Variants in CTNNA3 observed in about 807,000 individuals in gnomAD.
CTNNA3 encodes catenin alpha-3.
Under a neutral mutation model 95.7 loss-of-function variants are expected in CTNNA3, and 76 were observed. The ratio of observed to expected loss-of-function variants is 0.79; its 90% CI spans 0.66 to 0.96. The LOEUF is 0.96. CTNNA3 is among the 40% of genes least tolerant of loss of function. CTNNA3 has a pLI of 0.00. For missense variants in CTNNA3, 1,191 were observed against 1,089.8 expected, an observed-to-expected ratio of 1.09 and a Z score of -1.31; for synonymous variants, 431 against 374.4, an observed-to-expected ratio of 1.15 and a Z score of -1.74.
chr10:67,709,431 G>T (rs1321240778), intron 1 of CTNNA3, among the ~76,000 whole-genome samples: 1 of 152,130 alleles, frequency 6.6e-6, no homozygotes, highest in Non-Finnish European at 1.5e-5. Flanking sequence ...CATTATAGAG[G>T]ACAGTTCCAC....
chr10:67,293,318 C>A (rs906518661), intron 5 of CTNNA3, among the ~76,000 whole-genome samples: 1 of 151,966 alleles, frequency 6.6e-6, no homozygotes, highest in African/African-American at 2.4e-5. Context: ...AAATTGTGTC[C>A]ATCCATGAAT....
chr10:66,052,445 C>CA (rs71474009), intron 15 of CTNNA3, among the ~76,000 whole-genome samples: 80,561 of 151,836 alleles, frequency 0.53, 21,741 homozygotes, highest in South Asian at 0.59. Flanking sequence ...GTAAAGCATT[C>CA]GAGGTCAAAG....
intron 7 of CTNNA3, among the ~76,000 whole-genome samples, chr10:67,087,682 C>G (rs1357506698): frequency 6.6e-6 from 1 of 151,838 alleles, no homozygotes; most frequent in Non-Finnish European, 1.5e-5. Flanking sequence ...CATTTTAGCC[C>G]TCTACCTCTA....
intron 6 of CTNNA3, among the ~76,000 whole-genome samples, chr10:67,201,326 T>C (rs907685042): frequency 1.3e-5 from 2 of 152,224 alleles, no homozygotes; most frequent in Non-Finnish European, 2.9e-5. Context: ...AGCAGATCCA[T>C]GCATCTGTAC....
Position 66,764,052 on chromosome 10 carries a change from T to A in CTNNA3, c.1281+2212A>T, listed in dbSNP as rs144119561. Among the ~76,000 whole-genome samples, 1,070 of 152,268 alleles carry A rather than the reference T, an allele frequency of 7.0e-3. 7 individuals are homozygous for A. Among genetic ancestry groups the A allele is most frequent in the African/African-American group, 0.024 (1,016 of 41,556 alleles). Reference sequence around the variant, plus strand: ...GGATGGTTTGTTATATACTAAAAGCTCATCAGAAATGAAAGTGACTTAGAC... The same window carrying A: ...GGATGGTTTGTTATATACTAAAAGCACATCAGAAATGAAAGTGACTTAGAC... On this transcript the variant is annotated intron_variant, in intron 9 of 17. Coordinates refer to ENST00000433211, the MANE Select transcript of CTNNA3 (RefSeq NM_013266.4).
At chr10:66,189,485 G>C (rs2086535195) in intron 13 of CTNNA3, among the ~76,000 whole-genome samples, 1 of 151,428 alleles carries the variant, frequency 6.6e-6, no homozygotes, top group African/African-American at 2.4e-5. Context: ...TGGCTCCACT[G>C]TTGAAAATGA....
chr10:67,200,918 T>C (rs1863614144), intron 6 of CTNNA3, among the ~76,000 whole-genome samples: 1 of 152,196 alleles, frequency 6.6e-6, no homozygotes, highest in African/African-American at 2.4e-5. Flanking sequence ...CTATCTTCAG[T>C]TTGATGTGTC....
intron 12 of CTNNA3, among the ~76,000 whole-genome samples, chr10:66,366,260 T>C (rs1564901706): frequency 6.6e-6 from 1 of 152,138 alleles, no homozygotes; most frequent in Non-Finnish European, 1.5e-5. Flanking sequence ...TAATGAGATA[T>C]AATATGCATG....
Position 66,061,144 on chromosome 10 carries a change from A to G in CTNNA3, c.2159+8164T>C, listed in dbSNP as rs187909459. On this transcript the variant is annotated intron_variant, in intron 15 of 17. Coordinates refer to ENST00000433211, the MANE Select transcript of CTNNA3 (RefSeq NM_013266.4). ...AGGAATGGCCCTTCACCAAGGAGAA[A>G]TCATGTTTTCAAATCATAAAGCCTG... Among the ~76,000 whole-genome samples the G allele has an allele frequency of 3.9e-5, 6 of 152,100 alleles. No homozygotes were observed. In the South Asian group the frequency reaches 1.2e-3, roughly 32 times the overall value.
At chr10:66,056,449 T>A (rs1013607782) in intron 15 of CTNNA3, among the ~76,000 whole-genome samples, 1 of 151,904 alleles carries the variant, frequency 6.6e-6, no homozygotes, top group Non-Finnish European at 1.5e-5. Flanking sequence ...TTGTTGAGTA[T>A]TTTTTTTATC....
intron 5 of CTNNA3, among the ~76,000 whole-genome samples, chr10:67,333,157 C>T (rs1841861789): frequency 1.3e-5 from 2 of 152,124 alleles, no homozygotes; most frequent in Admixed American, 1.3e-4. Flanking sequence ...TTCAAGTATT[C>T]ATGGAATTAA....
chr10:66,192,099 T>C (rs2086704312), intron 13 of CTNNA3, among the ~76,000 whole-genome samples: 1 of 152,152 alleles, frequency 6.6e-6, no homozygotes, highest in African/African-American at 2.4e-5. Flanking sequence ...TTTATTTCTT[T>C]ATAAATTACA....
chr10:67,512,043 C>A (rs1839653301), intron 5 of CTNNA3, among the ~76,000 whole-genome samples: 1 of 152,080 alleles, frequency 6.6e-6, no homozygotes, highest in African/African-American at 2.4e-5. Flanking sequence ...GTGGTGATAT[C>A]CCCTTTATCA....
intron 13 of CTNNA3, among the ~76,000 whole-genome samples, chr10:66,153,926 T>C (rs1204140407): frequency 2.0e-5 from 3 of 151,596 alleles, no homozygotes; most frequent in Non-Finnish European, 4.4e-5. Flanking sequence ...TTGTTTATAG[T>C]TGTGATCTGT....
rs528697175 is a variant in CTNNA3 at position 66,761,912 on chromosome 10, T to C, written c.1281+4352A>G. Among the ~76,000 whole-genome samples the C allele has an allele frequency of 1.3e-3, 201 of 152,298 alleles. 1 individual carries two copies. The highest frequency in any genetic ancestry group is 4.2e-3 in the African/African-American group (174 of 41,564). On this transcript the variant is annotated intron_variant, in intron 9 of 17. Coordinates refer to ENST00000433211, the MANE Select transcript of CTNNA3 (RefSeq NM_013266.4). Reference sequence around the variant, plus strand: ...TATATGCAGTAGAGTAGGGAGCTTCTCTGCTTTATAACTGAGCTCAGACAT... The same window carrying C: ...TATATGCAGTAGAGTAGGGAGCTTCCCTGCTTTATAACTGAGCTCAGACAT...
intron 5 of CTNNA3, among the ~76,000 whole-genome samples, chr10:67,337,741 T>C (rs1042753872): frequency 2.6e-5 from 4 of 152,180 alleles, no homozygotes; most frequent in African/African-American, 4.8e-5. Context: ...GCCATCAACA[T>C]TGAGGTAAGA....
chr10:67,581,724 C>T (rs1842407461), intron 3 of CTNNA3, among the ~76,000 whole-genome samples: 1 of 152,136 alleles, frequency 6.6e-6, no homozygotes, highest in Non-Finnish European at 1.5e-5. Context: ...TTAATTATTG[C>T]CTCAATTTCA....
intron 9 of CTNNA3, among the ~76,000 whole-genome samples, chr10:66,752,854 A>ATG (rs200479703): frequency 0.012 from 1,790 of 152,130 alleles, 23 homozygotes; most frequent in African/African-American, 0.041. Flanking sequence ...ACACACACAC[A>ATG]CGCACACACA....
intron 7 of CTNNA3, among the ~76,000 whole-genome samples, chr10:66,822,593 AG>A (rs1196266795): frequency 2.6e-5 from 4 of 152,238 alleles, no homozygotes; most frequent in Admixed American, 2.6e-4. Flanking sequence ...TGTGAAATAA[AG>A]TTCTGGCGAC....
Sources: allele counts gnomAD v4.1 joint callset (sites outside exome capture counted in the v4.1 genomes callset), GRCh38; gene constraint gnomAD v4.1.1; transcripts MANE v1.5; gene names NCBI Gene and HGNC (gene_info 2026-07-23, HGNC 2026-07-21).